The following DSE variants were observed in gnomAD, a reference collection of about 807,000 sequenced individuals.
DSE encodes dermatan sulfate epimerase.
DSE carries 36 observed loss-of-function variants against 84.4 expected under a neutral mutation model. That is an observed-to-expected ratio of 0.43 (90% CI 0.33 to 0.56). The LOEUF (loss-of-function observed/expected upper bound fraction) is 0.56, where lower values mean the gene tolerates loss of function less well. Ranked by LOEUF, DSE falls within the 20% of genes least tolerant of loss-of-function variation. DSE has a pLI of 0.06. For missense variants in DSE, 862 were observed against 1,169.6 expected, an observed-to-expected ratio of 0.74 and a Z score of 3.84; for synonymous variants, 410 against 430.1, an observed-to-expected ratio of 0.95 and a Z score of 0.58.
At chr6:116,380,308 A>G (rs1388129267) in intron 1 of DSE, among the ~76,000 whole-genome samples, 8 of 152,088 alleles carry the variant, frequency 5.3e-5, no homozygotes, top group Admixed American at 5.2e-4. Context: ...AATATAACAT[A>G]GTTTCCAGCC....
At chr6:116,308,687 G>GT (rs1211078614) in intron 2 of DSE, among the ~76,000 whole-genome samples, 9 of 151,566 alleles carry the variant, frequency 5.9e-5, no homozygotes, top group Admixed American at 2.0e-4. Context: ...GTTTTTTGGG[G>GT]TTTTTTTTGA....
intron 2 of DSE, among the ~76,000 whole-genome samples, chr6:116,363,926 A>G (rs1190248146): frequency 6.6e-6 from 1 of 152,224 alleles, no homozygotes; most frequent in Non-Finnish European, 1.5e-5. Flanking sequence ...AGTTAGTTGT[A>G]CATTTTTGGC....
At position 116,385,473 on chromosome 6, in the gene DSE, G is replaced by A. The variant is rs542285621; in HGVS notation, c.-53-13725G>A. Among the ~76,000 whole-genome samples, 7 of 151,920 alleles carry A rather than the reference G, an allele frequency of 4.6e-5. No individual in the cohort carries two copies. The South Asian group carries it at 1.5e-3, about 32-fold the overall frequency. On this transcript the variant is annotated intron_variant, in intron 1 of 5. Coordinates refer to ENST00000644252, the MANE Select transcript of DSE (RefSeq NM_013352.4). ...GGATTCTGGACGGATTTGGAGTAGA[G>A]CCAACAGAATATGCTGATAGTTTGG...
chr6:116,287,625 C>T lies in DSE; in HGVS notation c.-54+28658C>T, dbSNP rs1057448844. 5.3e-5 allele frequency among the ~76,000 whole-genome samples: 8 copies of T among 151,950 alleles called. No individual in the cohort carries two copies. In the East Asian group the frequency reaches 7.7e-4, roughly 15 times the overall value. The stretch of plus-strand genomic sequence containing the variant: ...GTGTTTATATGTAAAATGTTAAATT[C>T]GAGGCTCAGATAAATATAAATAGGT... On this transcript the variant is annotated intron_variant, in intron 2 of 3. Coordinates refer to the DSE transcript ENST00000430252.
chr6:116,347,511 T>C (rs1778055047), intron 2 of DSE, among the ~76,000 whole-genome samples: 2 of 152,154 alleles, frequency 1.3e-5, no homozygotes, highest in Admixed American at 1.3e-4. Context: ...CATCTGATCT[T>C]TGACAAACCT....
chr6:116,370,955 C>A lies in DSE; in HGVS notation c.-220C>A. The A allele has an allele frequency of 3.0e-6, 3 of 985,348 alleles. No individual in the cohort carries two copies. Among genetic ancestry groups the A allele is most frequent in the African/African-American group, 1.7e-5 (1 of 57,274 alleles). 61.0% of individuals were successfully genotyped at this position (985,348 alleles called of 1,614,324 possible). On this transcript the variant is annotated 5_prime_UTR_variant, in exon 1 of 6. Transcript: ENST00000644252. ...CCGCCGGCCCGGCTCTCAGTAGCGT[C>A]GCCCGAGGCTGCAGCAGCGCATCCC...
rs774550868 is a variant in DSE at position 116,258,726 on chromosome 6, G to A, written c.-295G>A. 79 of 1,605,874 alleles carry A rather than the reference G, an allele frequency of 4.9e-5. No individual in the cohort carries two copies. The East Asian group carries it at 5.6e-4, about 11-fold the overall frequency. On this transcript the variant is annotated 5_prime_UTR_variant, in exon 2 of 4. Transcript: ENST00000430252. The stretch of plus-strand genomic sequence containing the variant: ...CAGCCTGTCGTCTCACAGTCCCGGC[G>A]CACCCAATGCGTGTGGAGTCCTCCC...
intron 2 of DSE, among the ~76,000 whole-genome samples, chr6:116,291,288 A>T (rs1233542083): frequency 9.9e-5 from 15 of 152,176 alleles, no homozygotes; most frequent in Non-Finnish European, 1.8e-4. Flanking sequence ...CTTTGGGTGC[A>T]CAGAATAGGA....
intron 2 of DSE, among the ~76,000 whole-genome samples, chr6:116,340,955 G>C (rs1777555177): frequency 6.6e-6 from 1 of 152,158 alleles, no homozygotes; most frequent in Non-Finnish European, 1.5e-5. Flanking sequence ...ACATATGTGT[G>C]CACGTGTCTT....
At chr6:116,294,819 T>C (rs1774554745) in intron 2 of DSE, among the ~76,000 whole-genome samples, 1 of 152,056 alleles carries the variant, frequency 6.6e-6, no homozygotes, top group Non-Finnish European at 1.5e-5. Context: ...CTCCTCCAAT[T>C]TCCTCTCACC....
At chr6:116,433,706 A>G (rs1783982254) in intron 5 of DSE, among the ~76,000 whole-genome samples, 156 bp downstream of exon 5, 2 of 152,244 alleles carry the variant, frequency 1.3e-5, no homozygotes, top group Admixed American at 6.5e-5. Flanking sequence ...TTCAACTCAT[A>G]TCACTGTTTT....
At chr6:116,389,426 T>G (rs1251068937) in intron 1 of DSE, among the ~76,000 whole-genome samples, 1 of 152,118 alleles carries the variant, frequency 6.6e-6, no homozygotes, top group African/African-American at 2.4e-5. Flanking sequence ...AGGTGCTACC[T>G]CATTTAATCT....
chr6:116,401,310 A>G (rs1781579167), intron 2 of DSE: 1 of 152,148 alleles, frequency 6.6e-6, no homozygotes, highest in African/African-American at 2.4e-5. Flanking sequence ...ACAAGTCCAG[A>G]TTTATTGATC....
At chr6:116,376,316 C>T (rs1260183033) in intron 1 of DSE, among the ~76,000 whole-genome samples, 1 of 152,174 alleles carries the variant, frequency 6.6e-6, no homozygotes, top group Non-Finnish European at 1.5e-5. Context: ...TTTACCTTTA[C>T]TGATTGTGTT....
intron 2 of DSE, among the ~76,000 whole-genome samples, chr6:116,292,365 T>G (rs1346806326): frequency 6.6e-6 from 1 of 152,118 alleles, no homozygotes; most frequent in Non-Finnish European, 1.5e-5. Context: ...TTGAGTGAGA[T>G]GAAGACTGGG....
intron 2 of DSE, among the ~76,000 whole-genome samples, chr6:116,264,153 G>T (rs561071601): frequency 2.6e-5 from 4 of 152,262 alleles, no homozygotes; most frequent in Non-Finnish European, 4.4e-5. Context: ...ACTAGGTTGT[G>T]GAAGTTCTCA....
intron 4 of DSE, among the ~76,000 whole-genome samples, chr6:116,431,611 A>G (rs1377066661): frequency 1.3e-5 from 2 of 152,158 alleles, no homozygotes; most frequent in East Asian, 3.8e-4. Context: ...TTTCTTTCAA[A>G]CTATACAGAC....
In DSE at chr6:116,276,779, A is replaced by T. The variant is rs1382640409; in HGVS notation, c.-54+17812A>T. 3 of 152,248 alleles carry T rather than the reference A, an allele frequency of 2.0e-5. No homozygotes were observed. In the East Asian group the frequency reaches 5.8e-4, roughly 29 times the overall value. 9.4% of individuals were successfully genotyped at this position (152,248 alleles called of 1,614,324 possible). The stretch of plus-strand genomic sequence containing the variant: ...ATCATGCATAAAAAGGAAGACAAAT[A>T]TGCCAATGGTACACTTCCAATTTGT... On this transcript the variant is annotated intron_variant, in intron 2 of 3. Transcript: ENST00000430252.
At chr6:116,305,834 G>A (rs899197242) in intron 2 of DSE, among the ~76,000 whole-genome samples, 33 of 152,146 alleles carry the variant, frequency 2.2e-4, no homozygotes, top group South Asian at 8.3e-4. Context: ...TAGAGACAGC[G>A]TTTCACTATG....
Sources: gnomAD v4.1 joint callset for allele counts (sites outside exome capture counted in the v4.1 genomes callset) on GRCh38, gnomAD v4.1.1 for gene constraint, MANE v1.5 for transcripts, NCBI Gene and HGNC (gene_info 2026-07-23, HGNC 2026-07-21) for gene names.